Variants in CACNA2D3 observed in about 807,000 individuals in gnomAD.
CACNA2D3 encodes the protein voltage-dependent calcium channel subunit alpha-2/delta-3.
Under a neutral mutation model 160.6 loss-of-function variants are expected in CACNA2D3, and 60 were observed. The observed-to-expected ratio is 0.37, with a 90% CI of 0.30 to 0.46. The LOEUF is 0.46. Ranked by LOEUF, CACNA2D3 falls within the 20% of genes least tolerant of loss-of-function variation. The pLI, the probability that CACNA2D3 is intolerant of heterozygous loss-of-function variation, is 1.00. For synonymous variants in CACNA2D3, 558 were observed against 492.9 expected (o/e 1.13, Z -1.75); for missense variants, 1,205 against 1,365.0 (o/e 0.88, Z 1.85).
At chr3:54,898,196 CCTCT>C (rs1341738240) in intron 26 of CACNA2D3, among the ~76,000 whole-genome samples, 1 of 112,378 alleles carries the variant, frequency 8.9e-6, no homozygotes, top group Non-Finnish European at 1.8e-5. Context: ...CTTTTCTTTT[CCTCT>C]CTCTCTCTCT....
rs1435642016 is a variant in CACNA2D3 at position 54,887,905 on chromosome 3, C to T, written c.2057-54C>T. Reference sequence around the variant, plus strand: ...GCACAATGAGCCCATGAGTGCCTCTCATGCCCCTCTTCCAGCCCTGCTGAA... The same window carrying T: ...GCACAATGAGCCCATGAGTGCCTCTTATGCCCCTCTTCCAGCCCTGCTGAA... On this transcript the variant is annotated intron_variant, in intron 23 of 37. Coordinates refer to ENST00000474759, the MANE Select transcript of CACNA2D3 (RefSeq NM_018398.3). The T allele has an allele frequency of 2.1e-6, 3 of 1,397,970 alleles. No individual in the cohort carries two copies. The South Asian group carries it at 3.5e-5, about 16-fold the overall frequency. 86.6% of individuals were successfully genotyped at this position (1,397,970 alleles called of 1,614,324 possible).
At chr3:54,996,832 C>T (rs1702868734) in intron 31 of CACNA2D3, among the ~76,000 whole-genome samples, 1 of 152,182 alleles carries the variant, frequency 6.6e-6, no homozygotes, top group Non-Finnish European at 1.5e-5. Flanking sequence ...CCATGGAATA[C>T]TATGCAGCCA....
At chr3:54,542,773 T>C (rs182620373) in intron 5 of CACNA2D3, among the ~76,000 whole-genome samples, 2 of 152,266 alleles carry the variant, frequency 1.3e-5, no homozygotes, top group Non-Finnish European at 1.5e-5. Context: ...ACTCAAAATG[T>C]TCATCTCCTT....
At chr3:54,907,679 T>A (rs1700474668) in intron 27 of CACNA2D3, among the ~76,000 whole-genome samples, 1 of 152,204 alleles carries the variant, frequency 6.6e-6, no homozygotes, top group Admixed American at 6.5e-5. Context: ...CTTGATATGT[T>A]TTGTATTAAA....
At chr3:54,477,483 C>A (rs1266863219) in intron 4 of CACNA2D3, among the ~76,000 whole-genome samples, 1 of 152,124 alleles carries the variant, frequency 6.6e-6, no homozygotes, top group Non-Finnish European at 1.5e-5. Flanking sequence ...AAGAACAGCC[C>A]CAGCACCCAC....
At chr3:54,661,924 T>TC (rs1355157797) in intron 11 of CACNA2D3, among the ~76,000 whole-genome samples, 1 of 151,012 alleles carries the variant, frequency 6.6e-6, no homozygotes, top group African/African-American at 2.4e-5. Flanking sequence ...CAGTGAAATA[T>TC]CCCCCCTGGA....
rs555314840 is a variant in CACNA2D3 at position 54,277,246 on chromosome 3, T to G, written c.205-43196T>G. Among the ~76,000 whole-genome samples, 5 of 152,362 alleles carry G rather than the reference T, an allele frequency of 3.3e-5. No individual in the cohort carries two copies. In the East Asian group the frequency reaches 7.7e-4, roughly 23 times the overall value. ...ATATTGCCTAGGTTTTCTTCTAGGG[T>G]TTTTATGGTTTTAGGTCTTATGTTT... On this transcript the variant is annotated intron_variant, in intron 2 of 37. Coordinates refer to ENST00000474759, the MANE Select transcript of CACNA2D3 (RefSeq NM_018398.3).
chr3:54,403,203 A>G (rs937105298), intron 4 of CACNA2D3, among the ~76,000 whole-genome samples: 4 of 152,086 alleles, frequency 2.6e-5, no homozygotes, highest in African/African-American at 7.2e-5. Context: ...AAAATAAAAA[A>G]AAGTAGCCGG....
At chr3:54,290,927 G>C (rs895298350) in intron 2 of CACNA2D3, among the ~76,000 whole-genome samples, 41 of 152,124 alleles carry the variant, frequency 2.7e-4, no homozygotes, top group African/African-American at 9.2e-4. Context: ...CGGGGGGTGA[G>C]GGATAGCATT....
At chr3:55,018,346 C>G in intron 35 of CACNA2D3, 29 bp downstream of exon 35, 1 of 1,350,902 alleles carries the variant, frequency 7.4e-7, no homozygotes, top group Non-Finnish European at 1.1e-6. Flanking sequence ...CTCTAACCCC[C>G]TACACCTTTC....
At chr3:54,256,022 GAA>G (rs1307082403) in intron 2 of CACNA2D3, among the ~76,000 whole-genome samples, 3 of 152,194 alleles carry the variant, frequency 2.0e-5, no homozygotes, top group Non-Finnish European at 2.9e-5. Context: ...TTGGAAATAG[GAA>G]GTCATTGTTA....
intron 27 of CACNA2D3, among the ~76,000 whole-genome samples, chr3:54,909,641 T>G (rs1298421309): frequency 7.1e-6 from 1 of 141,682 alleles, no homozygotes; most frequent in Admixed American, 7.0e-5. Context: ...ATTTTTTTTG[T>G]GATTTTTTTT....
At chr3:54,443,638 C>G (rs906595519) in intron 4 of CACNA2D3, among the ~76,000 whole-genome samples, 4 of 152,284 alleles carry the variant, frequency 2.6e-5, no homozygotes, top group African/African-American at 9.6e-5. Context: ...ACGACCCTGG[C>G]ATTTGCTCTG....
chr3:55,013,203 C>T (rs1008491140), intron 34 of CACNA2D3, among the ~76,000 whole-genome samples: 1 of 152,194 alleles, frequency 6.6e-6, no homozygotes, highest in South Asian at 2.1e-4. Context: ...TTCAACATAC[C>T]TGAGGGGTGG....
At chr3:54,754,481 T>C (rs560636742) in intron 12 of CACNA2D3, among the ~76,000 whole-genome samples, 2 of 152,316 alleles carry the variant, frequency 1.3e-5, no homozygotes, top group African/African-American at 4.8e-5. Flanking sequence ...TGCCCTGAGT[T>C]ATTCTCTTGT....
intron 11 of CACNA2D3, among the ~76,000 whole-genome samples, chr3:54,663,357 C>T (rs1449186035): frequency 6.6e-6 from 1 of 152,178 alleles, no homozygotes; most frequent in East Asian, 1.9e-4. Context: ...CCCTTCTGGA[C>T]TCCAGGGGCA....
At chr3:54,164,022 G>A (rs1168679679) in intron 2 of CACNA2D3, among the ~76,000 whole-genome samples, 1 of 152,232 alleles carries the variant, frequency 6.6e-6, no homozygotes, top group Non-Finnish European at 1.5e-5. Context: ...GAAGGTCAGG[G>A]AAGGAGATGG....
At chr3:54,221,758 A>G (rs972073808) in intron 2 of CACNA2D3, among the ~76,000 whole-genome samples, 10 of 152,122 alleles carry the variant, frequency 6.6e-5, no homozygotes, top group African/African-American at 2.4e-4. Flanking sequence ...ATAATAACTA[A>G]TGGAGTGTAA....
chr3:54,280,146 A>T (rs1702840059), intron 2 of CACNA2D3, among the ~76,000 whole-genome samples: 1 of 151,904 alleles, frequency 6.6e-6, no homozygotes, highest in South Asian at 2.1e-4. Flanking sequence ...CAGTGGTGCG[A>T]TCTCTGCTCA....
Sources: allele counts gnomAD v4.1 joint callset (sites outside exome capture counted in the v4.1 genomes callset), GRCh38; gene constraint gnomAD v4.1.1; transcripts MANE v1.5; gene names NCBI Gene and HGNC (gene_info 2026-07-23, HGNC 2026-07-21).